SMC3: variants seen among roughly 807,000 people sequenced by gnomAD.
The protein encoded by SMC3 is structural maintenance of chromosomes protein 3.
Under a neutral mutation model 171.8 loss-of-function variants are expected in SMC3, and 20 were observed. The ratio of observed to expected loss-of-function variants is 0.12; its 90% CI spans 0.08 to 0.17. The LOEUF is 0.17. SMC3 is among the 10% of genes least tolerant of loss of function. The probability of loss-of-function intolerance (pLI) is 1.00; values close to 1 mark genes in which losing one functional copy is unlikely to be tolerated. For missense variants in SMC3, 543 were observed against 1,420.4 expected (o/e 0.38, Z 9.93); for synonymous variants, 464 against 451.1 (o/e 1.03, Z -0.36).
At chr10:110,602,739 AT>A in intron 26 of SMC3, 74 bp downstream of exon 26, 2 of 1,562,874 alleles carry the variant, frequency 1.3e-6, no homozygotes, top group Non-Finnish European at 1.8e-6. Context: ...TGCAAATCTG[AT>A]TGGTGCATTA....
chr10:110,575,536 G>GT, intron 4 of SMC3, 133 bp downstream of exon 4: 1 of 741,244 alleles, frequency 1.3e-6, no homozygotes, highest in Non-Finnish European at 2.3e-6. Flanking sequence ...TCATAAGTGT[G>GT]TTACTCTGCT....
chr10:110,594,106 T>TAATTTGG (rs1861254675), intron 18 of SMC3, among the ~76,000 whole-genome samples: 1 of 6,574 alleles, frequency 1.5e-4, no homozygotes, highest in Non-Finnish European at 6.8e-4. Context: ...TGAAATGTGA[T>TAATTTGG]CATATAGCAG....
At position 110,568,720 on chromosome 10, in the gene SMC3, A is replaced by G. The variant is rs142820987; in HGVS notation, c.16-218A>G. 1.1e-3 allele frequency among the ~76,000 whole-genome samples: 161 copies of G among 152,222 alleles called. 2 individuals carry two copies. Among genetic ancestry groups the G allele is most frequent in the Middle Eastern group, 0.01 (3 of 294 alleles). ...TTGACAGCATAACTCCTAAAAAAAA[A>G]TAAAACCCAGCAGCATTGCCTTGGC... is the stretch of plus-strand genomic sequence containing the variant. On this transcript the variant is annotated intron_variant, in intron 1 of 28. Coordinates refer to ENST00000361804, the MANE Select transcript of SMC3 (RefSeq NM_005445.4).
Position 110,587,311 on chromosome 10 carries a change from T to C in SMC3, c.1306-2294T>C, listed in dbSNP as rs568223786. Among the ~76,000 whole-genome samples, 25 of 152,280 alleles carry C rather than the reference T, an allele frequency of 1.6e-4. 1 individual carries two copies. The South Asian group carries it at 4.3e-3, about 26-fold the overall frequency. Reference sequence around the variant, plus strand: ...AGCTTACTTTATTACTGGTTCTGAGTAGCATCATGGTGTCAGAAAGGGAAC... The same window carrying C: ...AGCTTACTTTATTACTGGTTCTGAGCAGCATCATGGTGTCAGAAAGGGAAC... On this transcript the variant is annotated intron_variant, in intron 13 of 28. Coordinates refer to ENST00000361804, the MANE Select transcript of SMC3 (RefSeq NM_005445.4).
intron 2 of SMC3, among the ~76,000 whole-genome samples, chr10:110,572,816 TCTC>T (rs1165300521): frequency 1.3e-5 from 2 of 152,144 alleles, no homozygotes; most frequent in African/African-American, 2.4e-5. Flanking sequence ...ATTTGGTAAT[TCTC>T]CTCCTTCCTT....
At chr10:110,577,534 G>A (rs1238012075) in intron 5 of SMC3, 42 bp downstream of exon 5, 1 of 1,361,798 alleles carries the variant, frequency 7.3e-7, no homozygotes, top group Non-Finnish European at 1.0e-6. Context: ...GAATTTAATT[G>A]GTTTAGCTGA....
At chr10:110,600,334 C>T (rs1405256365) in intron 21 of SMC3, 105 bp from the exon 22 acceptor site, 1 of 722,060 alleles carries the variant, frequency 1.4e-6, no homozygotes, top group Non-Finnish European at 2.5e-6. Flanking sequence ...TATTAAACTT[C>T]ATTTCAGCTC....
chr10:110,585,290 ATT>A (rs111694406), intron 13 of SMC3, among the ~76,000 whole-genome samples: 39 of 123,628 alleles, frequency 3.2e-4, no homozygotes, highest in African/African-American at 7.4e-4. Context: ...GATAGTAACA[ATT>A]TTTTTTTTTT....
At chr10:110,590,681 C>A (rs551752795) in intron 16 of SMC3, 109 bp downstream of exon 16, 2 of 934,468 alleles carry the variant, frequency 2.1e-6, no homozygotes, top group South Asian at 3.0e-5. Context: ...TTTTATATCT[C>A]GGTTCCTTAA....
Position 110,592,660 on chromosome 10 carries a change from G to A in SMC3, c.1813-413G>A, listed in dbSNP as rs145147063. Among the ~76,000 whole-genome samples the A allele has an allele frequency of 3.9e-3, 598 of 152,202 alleles. 2 individuals are homozygous for A. Among genetic ancestry groups the A allele is most frequent in the African/African-American group, 0.013 (532 of 41,516 alleles). On this transcript the variant is annotated intron_variant, in intron 17 of 28. Coordinates refer to ENST00000361804, the MANE Select transcript of SMC3 (RefSeq NM_005445.4). ...GCCCTTTTATGTGAGAGATACTATC[G>A]TAAGTTTTGCATATATTAACTCATT... is the stretch of plus-strand genomic sequence containing the variant.
chr10:110,597,164 CAG>C (rs1397941722), intron 19 of SMC3, among the ~76,000 whole-genome samples: 25 of 147,350 alleles, frequency 1.7e-4, no homozygotes, highest in Admixed American at 5.4e-4. Context: ...AAAAAGGTGA[CAG>C]GGGAGGGTGA....
chr10:110,594,214 TTA>T (rs1861257956), intron 18 of SMC3, among the ~76,000 whole-genome samples: 1 of 151,712 alleles, frequency 6.6e-6, no homozygotes, highest in African/African-American at 2.4e-5. Flanking sequence ...TATTTTTTTT[TTA>T]CTTTTTTCCA....
chr10:110,603,562 A>T (rs1427265368), intron 28 of SMC3, among the ~76,000 whole-genome samples: 1 of 152,192 alleles, frequency 6.6e-6, no homozygotes, highest in Non-Finnish European at 1.5e-5. Context: ...TAACAATTAT[A>T]TATGTTCATT....
chr10:110,581,879 A>T, intron 8 of SMC3, 44 bp from the exon 9 acceptor site: 2 of 1,489,020 alleles, frequency 1.3e-6, no homozygotes, highest in Non-Finnish European at 1.9e-6. Flanking sequence ...TATTACATAA[A>T]AATCTTATTC....
intron 2 of SMC3, 41 bp downstream of exon 2, chr10:110,569,054 A>G (rs1564786839): frequency 4.9e-6 from 6 of 1,217,578 alleles, no homozygotes; most frequent in Non-Finnish European, 7.3e-6. Context: ...TATAGTCTAT[A>G]CAGATAATGT....
chr10:110,599,202 A>G (rs541055822), intron 20 of SMC3, among the ~76,000 whole-genome samples: 99 of 152,160 alleles, frequency 6.5e-4, no homozygotes, highest in African/African-American at 2.4e-3. Flanking sequence ...GGTTCAAGCA[A>G]TTCTCCTGCC....
intron 4 of SMC3, 87 bp from the exon 5 acceptor site, chr10:110,577,334 T>C: frequency 1.0e-6 from 1 of 988,996 alleles, no homozygotes; most frequent in Non-Finnish European, 1.6e-6. Flanking sequence ...GAATCAGACT[T>C]GTTATTATGC....
intron 23 of SMC3, among the ~76,000 whole-genome samples, 191 bp from the exon 24 acceptor site, chr10:110,601,446 T>C (rs897719681): frequency 3.3e-5 from 5 of 152,174 alleles, no homozygotes; most frequent in African/African-American, 1.2e-4. Context: ...ATAATGAAAA[T>C]TATATATTTG....
At position 110,584,539 on chromosome 10, in the gene SMC3, C is replaced by G; in HGVS notation, c.1305+143C>G. On this transcript the variant is annotated intron_variant, in intron 13 of 28. Transcript: ENST00000361804. ...CAGATACTTATTTAGAAAAGGCCTG[C>G]ACAGTTTAATATACATATAGTTCTT... 4.7e-6 allele frequency: 3 copies of G among 640,616 alleles called. No homozygotes were observed. The South Asian group carries it at 5.8e-5, about 12-fold the overall frequency. 39.7% of individuals were successfully genotyped at this position (640,616 alleles called of 1,614,324 possible). A position where few individuals can be genotyped will look rare whatever the true frequency, so the allele number is the denominator to read the frequency against.
Sources: gnomAD v4.1 joint callset for allele counts (sites outside exome capture counted in the v4.1 genomes callset) on GRCh38, gnomAD v4.1.1 for gene constraint, MANE v1.5 for transcripts, NCBI Gene and HGNC (gene_info 2026-07-23, HGNC 2026-07-21) for gene names.